Variants in ZEB1 observed in about 807,000 individuals in gnomAD.
ZEB1 encodes the protein zinc finger E-box binding homeobox 1, also known as zinc finger E-box-binding homeobox 1.
ZEB1 carries 21 observed loss-of-function variants against 84.9 expected under a neutral mutation model. That is an observed-to-expected ratio of 0.25 (90% confidence interval 0.18 to 0.36). The LOEUF (loss-of-function observed/expected upper bound fraction) is 0.36, where lower values mean the gene tolerates loss of function less well. ZEB1 is among the 10% of genes least tolerant of loss of function. The pLI is 1.00. For missense variants in ZEB1, 1,104 were observed against 1,330.2 expected (o/e 0.83, Z 2.65); for synonymous variants, 420 against 471.1 (o/e 0.89, Z 1.41).
intron 1 of ZEB1, among the ~76,000 whole-genome samples, chr10:31,401,815 A>T (rs2052073441): frequency 6.6e-6 from 1 of 152,124 alleles, no homozygotes; most frequent in South Asian, 2.1e-4. Flanking sequence ...TTTAGAATAC[A>T]GTTTGGTGCA....
rs1331870835 is a variant in ZEB1, at chr10:31,444,388, C to G, written c.59-16649C>G. On this transcript the variant is annotated intron_variant, in intron 1 of 8. Coordinates refer to ENST00000424869, the MANE Select transcript of ZEB1 (RefSeq NM_001174096.2). ...TGCCTGTTCACTCTGATGGTAGTTTCTTTTGCTGTGCAGAAGCTCTTTAGT... is the reference window on the plus strand; with the variant it reads ...TGCCTGTTCACTCTGATGGTAGTTTGTTTTGCTGTGCAGAAGCTCTTTAGT... 2.0e-5 allele frequency among the ~76,000 whole-genome samples: 3 copies of G among 151,444 alleles called. No homozygotes were observed. In the East Asian group the frequency reaches 5.8e-4, roughly 29 times the overall value.
At chr10:31,475,046 C>G (rs2063884548) in intron 2 of ZEB1, among the ~76,000 whole-genome samples, 1 of 127,330 alleles carries the variant, frequency 7.9e-6, no homozygotes, top group South Asian at 2.9e-4. Flanking sequence ...GAACATCACA[C>G]TCTGGGGACT....
At chr10:31,349,627 G>T (rs896021367) in intron 1 of ZEB1, among the ~76,000 whole-genome samples, 13 of 152,128 alleles carry the variant, frequency 8.5e-5, no homozygotes, top group African/African-American at 3.1e-4. Flanking sequence ...CAGGTGTGAG[G>T]TAGTCTCTCA....
chr10:31,422,693 TGGG>T (rs527245649), intron 1 of ZEB1, among the ~76,000 whole-genome samples: 1 of 152,110 alleles, frequency 6.6e-6, no homozygotes, highest in African/African-American at 2.4e-5. Context: ...ATTTTAGAGT[TGGG>T]GGTACATGTG....
rs1323701613 is a variant in ZEB1, at chr10:31,331,080, TC to T, written c.58+11789del. On this transcript the variant is annotated intron_variant, in intron 1 of 8. Coordinates refer to ENST00000424869, the MANE Select transcript of ZEB1 (RefSeq NM_001174096.2). ...CATTTTCTTTTCTTTTTTCTTTCTTTCTTTTTTTTTTTTTTTTTTTTTTTTT... is the reference window on the plus strand; with the variant it reads ...CATTTTCTTTTCTTTTTTCTTTCTTTTTTTTTTTTTTTTTTTTTTTTTTTT... Among the ~76,000 whole-genome samples, 182 of 130,538 alleles carry T rather than the reference TC, an allele frequency of 1.4e-3. 3 individuals are homozygous for T. The highest frequency in any genetic ancestry group is 5.6e-3 in the African/African-American group (155 of 27,802). The allele number at this position is 130,538 out of a possible 152,430, so 85.6% of individuals were successfully genotyped here.
At chr10:31,411,320 A>G (rs1490489293) in intron 1 of ZEB1, among the ~76,000 whole-genome samples, 1 of 152,196 alleles carries the variant, frequency 6.6e-6, no homozygotes, top group Non-Finnish European at 1.5e-5. Context: ...AACAATGAGA[A>G]CAAAGACACA....
intron 1 of ZEB1, among the ~76,000 whole-genome samples, chr10:31,397,019 A>T (rs933114798): frequency 1.5e-4 from 22 of 143,666 alleles, no homozygotes; most frequent in South Asian, 2.2e-4. Context: ...TATTATTATT[A>T]TTTTTTTTTT....
Position 31,407,870 on chromosome 10 carries a change from CAT to C in ZEB1, c.59-53165_59-53164del, listed in dbSNP as rs373343137. ...GCCCTCTCTCACCACTCCTATTCAA[CAT>C]AGTGTTGGAAGTTCTGGCCAGGGCA... On this transcript the variant is annotated intron_variant, in intron 1 of 8. Transcript: ENST00000424869. 6.2e-4 allele frequency among the ~76,000 whole-genome samples: 93 copies of C among 149,792 alleles called. 1 individual carries two copies. The South Asian group carries it at 0.019, about 31-fold the overall frequency.
Position 31,526,969 on chromosome 10 carries a change from G to A in ZEB1, c.3083G>A (p.Ser1028Asn). The A allele has an allele frequency of 6.2e-7, 1 of 1,613,538 alleles. No individual in the cohort carries two copies. ...CAGGGCGACTCGGACGAGAGAGAGA[G>A]TTTGACAAGGGAAGAGGATGAAGAC... Reference protein sequence around the residue: ...PSQGDSDERESLTREEDEDSE... With the variant: ...PSQGDSDERENLTREEDEDSE... The change falls in exon 9 of 9, where the codon AGT (serine) becomes AAT (asparagine). Residue 1028 changes from serine (S) to asparagine (N), a missense_variant. Physicochemically the swap from Ser to Asn is conservative, Grantham distance 46. Coordinates refer to ENST00000424869, the MANE Select transcript of ZEB1 (RefSeq NM_001174096.2).
intron 1 of ZEB1, among the ~76,000 whole-genome samples, chr10:31,365,912 G>A (rs2044380284): frequency 6.6e-6 from 1 of 152,116 alleles, no homozygotes; most frequent in South Asian, 2.1e-4. Context: ...TAAACTCCAG[G>A]TTACCATCAT....
At chr10:31,502,902 A>G (rs1318959907) in intron 4 of ZEB1, among the ~76,000 whole-genome samples, 2 of 152,134 alleles carry the variant, frequency 1.3e-5, no homozygotes, top group Non-Finnish European at 2.9e-5. Context: ...ATTTGGAAAC[A>G]GTGGTTTTCC....
chr10:31,469,639 G>A (rs1187652528), intron 2 of ZEB1, among the ~76,000 whole-genome samples: 1 of 152,324 alleles, frequency 6.6e-6, no homozygotes, highest in African/African-American at 2.4e-5. Flanking sequence ...CTGGGGGAGG[G>A]GCGCCCGCCA....
chr10:31,330,642 A>G (rs1166979237), intron 1 of ZEB1, among the ~76,000 whole-genome samples: 2 of 152,172 alleles, frequency 1.3e-5, no homozygotes, highest in Admixed American at 6.5e-5. Context: ...CCTTGAGATA[A>G]ATGCTTGATC....
chr10:31,349,928 C>G (rs919334640), intron 1 of ZEB1, among the ~76,000 whole-genome samples: 1 of 151,924 alleles, frequency 6.6e-6, no homozygotes, highest in Non-Finnish European at 1.5e-5. Flanking sequence ...TTGATGTAAT[C>G]CTATTTGTCT....
At chr10:31,489,335 C>A in intron 2 of ZEB1, among the ~76,000 whole-genome samples, 1 of 151,094 alleles carries the variant, frequency 6.6e-6, no homozygotes, top group East Asian at 1.9e-4. Context: ...ATTTTTTATC[C>A]TTTTACTTTT....
chr10:31,376,627 AC>A (rs2046671432), intron 1 of ZEB1, among the ~76,000 whole-genome samples: 1 of 151,680 alleles, frequency 6.6e-6, no homozygotes, highest in Non-Finnish European at 1.5e-5. Flanking sequence ...GTGAGTATTA[AC>A]TCTGACACTT....
In ZEB1 at chr10:31,387,813, A is replaced by C. The variant is rs903143569; in HGVS notation, c.58+68521A>C. 9.4e-6 allele frequency: 9 copies of C among 959,928 alleles called. No homozygotes were observed. In the African/African-American group the frequency reaches 1.1e-4, roughly 11 times the overall value. The allele number at this position is 959,928 out of a possible 1,614,324, so 59.5% of individuals were successfully genotyped here. On this transcript the variant is annotated intron_variant, in intron 1 of 8. Coordinates refer to ENST00000424869, the MANE Select transcript of ZEB1 (RefSeq NM_001174096.2). ...ATCTTTAAAAGGTATGTAATCATAAAATTTTTTATGTCAGATCTTAATTGA... is the reference window on the plus strand; with the variant it reads ...ATCTTTAAAAGGTATGTAATCATAACATTTTTTATGTCAGATCTTAATTGA...
intron 1 of ZEB1, among the ~76,000 whole-genome samples, chr10:31,437,732 G>A (rs2058452889): frequency 6.6e-6 from 1 of 152,124 alleles, no homozygotes; most frequent in South Asian, 2.1e-4. Context: ...ACATCCTTGG[G>A]GTTCATGATC....
intron 2 of ZEB1, among the ~76,000 whole-genome samples, chr10:31,482,414 G>A (rs918339038): frequency 6.6e-6 from 1 of 151,644 alleles, no homozygotes; most frequent in Non-Finnish European, 1.5e-5. Context: ...TTTGGTAGAG[G>A]TTACAGGAGG....
Sources: allele counts gnomAD v4.1 joint callset (sites outside exome capture counted in the v4.1 genomes callset), GRCh38; gene constraint gnomAD v4.1.1; transcripts MANE v1.5; gene names NCBI Gene and HGNC (gene_info 2026-07-23, HGNC 2026-07-21).